The following AIM2 variants were observed in gnomAD, a reference collection of about 807,000 sequenced individuals.
AIM2 encodes the protein absent in melanoma 2.
AIM2 carries 30 observed loss-of-function variants against 27.7 expected under a neutral mutation model. The observed-to-expected ratio is 1.08, with a 90% CI of 0.81 to 1.47. AIM2 has a LOEUF of 1.47. Ranked by LOEUF, AIM2 falls within the 40% of genes most tolerant of loss-of-function variation. The probability of loss-of-function intolerance (pLI) is 0.00; values close to 1 mark genes in which losing one functional copy is unlikely to be tolerated. For synonymous variants in AIM2, 141 were observed against 145.3 expected (o/e 0.97, Z 0.21); for missense variants, 358 against 411.3 (o/e 0.87, Z 1.12).
At chr1:159,083,717 A>G (rs891360262) in intron 1 of AIM2, among the ~76,000 whole-genome samples, 4 of 152,198 alleles carry the variant, frequency 2.6e-5, no homozygotes, top group African/African-American at 9.6e-5. Context: ...TCCAAATATG[A>G]CCTATGATAA....
intron 1 of AIM2, among the ~76,000 whole-genome samples, chr1:159,075,593 C>T (rs1656570782): frequency 7.0e-6 from 1 of 143,120 alleles, no homozygotes; most frequent in African/African-American, 2.6e-5. Flanking sequence ...ATGGCTATAC[C>T]TGCTATATAT....
chr1:159,111,398 T>A (rs931891696), intron 1 of AIM2, among the ~76,000 whole-genome samples: 2 of 152,328 alleles, frequency 1.3e-5, no homozygotes, highest in South Asian at 4.1e-4. Context: ...CACAACATTG[T>A]GAATGTACCA....
At chr1:159,082,802 C>G (rs1279672436) in intron 1 of AIM2, among the ~76,000 whole-genome samples, 1 of 152,088 alleles carries the variant, frequency 6.6e-6, no homozygotes, top group East Asian at 1.9e-4. Context: ...ACATTCAGTC[C>G]ACAAGGATGA....
intron 1 of AIM2, among the ~76,000 whole-genome samples, chr1:159,104,301 C>T (rs1306348430): frequency 6.6e-6 from 1 of 152,162 alleles, no homozygotes; most frequent in Non-Finnish European, 1.5e-5. Context: ...TCCAAACCCA[C>T]ACTGCCCACA....
In AIM2 at chr1:159,065,921, C is replaced by A; in HGVS notation, c.805G>T (p.Val269Leu). 1 of 1,606,138 alleles carries A rather than the reference C, an allele frequency of 6.2e-7. No individual in the cohort carries two copies. Among genetic ancestry groups the A allele is most frequent in the Non-Finnish European group, 8.5e-7 (1 of 1,175,882 alleles). Residue 269 changes from valine to leucine, a missense_variant, in exon 4 of 6, where the codon GTA (valine) becomes TTA (leucine). By Grantham distance (32) the Val-to-Leu change is conservative (BLOSUM62 1). Transcript: ENST00000368130. ...PLGTIVNGLF[V>L]VQKVTEKKKN... The stretch of plus-strand genomic sequence containing the variant: ...ATATGAAAACTTACCTTCTGGACTA[C>A]AAACAAACCATTCACAATTGTTCCA...
intron 1 of AIM2, among the ~76,000 whole-genome samples, chr1:159,115,995 AAAC>A (rs542326698): frequency 0.058 from 8,857 of 152,178 alleles, 814 homozygotes; most frequent in African/African-American, 0.2. Flanking sequence ...AGAAAAAAAC[AAAC>A]AACCCCATCA....
rs146505947 is a variant in AIM2 at position 159,098,758 on chromosome 1, G to T, written c.-15-32429C>A. Among the ~76,000 whole-genome samples the T allele has an allele frequency of 1.7e-3, 254 of 152,288 alleles. 4 individuals carry two copies. The highest frequency in any genetic ancestry group is 0.016 in the Admixed American group (239 of 15,298). On this transcript the variant is annotated intron_variant, in intron 1 of 2. Coordinates refer to the AIM2 transcript ENST00000368129. ...TGTTTAACAAACATCTTCTGAGCAT[G>T]TGCCATACTCCATATGTACCATGTG... is the stretch of plus-strand genomic sequence containing the variant.
At chr1:159,118,700 A>G (rs1647449806) in intron 1 of AIM2, among the ~76,000 whole-genome samples, 1 of 152,254 alleles carries the variant, frequency 6.6e-6, no homozygotes, top group Admixed American at 6.5e-5. Flanking sequence ...TCCTGAACCA[A>G]TTATTTCAGG....
intron 1 of AIM2, among the ~76,000 whole-genome samples, chr1:159,075,621 G>T (rs577746975): frequency 1.2e-4 from 18 of 151,488 alleles, no homozygotes; most frequent in Admixed American, 9.9e-4. Context: ...TAGAGAGAGA[G>T]AGAGAGAGAG....
chr1:159,060,788 T>C (rs1285670890), downstream of AIM2, among the ~76,000 whole-genome samples: 2 of 152,238 alleles, frequency 1.3e-5, no homozygotes, highest in Admixed American at 6.5e-5. Flanking sequence ...TTATTCATTT[T>C]TCAGGTGAGG....
In AIM2 at chr1:159,062,718, C is replaced by T. The variant is rs1464104598; in HGVS notation, c.1006G>A (p.Val336Ile). The change falls in exon 6 of 6, where the codon GTT (valine) becomes ATT (isoleucine). Residue 336 changes from valine (V) to isoleucine (I), a missense_variant and splice_region_variant. By Grantham distance (29) the Val-to-Ile change is conservative (BLOSUM62 3). Coordinates refer to ENST00000368130, the MANE Select transcript of AIM2 (RefSeq NM_004833.3). ...TATGTTTTTTTTTTGGCCTTAATAACCTGGATGGAGAAAAAAAACATGCAG... is the reference window on the plus strand; with the variant it reads ...TATGTTTTTTTTTTGGCCTTAATAATCTGGATGGAGAAAAAAAACATGCAG... ...LTSGVHSTIK[V>I]IKAKKKT 6.2e-7 allele frequency: 1 copy of T among 1,612,472 alleles called. No homozygotes were observed. The highest frequency in any genetic ancestry group is 2.2e-5 in the East Asian group (1 of 44,864).
chr1:159,063,024 G>A lies in AIM2; in HGVS notation c.1006-306C>T, dbSNP rs370320897. 3.9e-5 allele frequency among the ~76,000 whole-genome samples: 6 copies of A among 152,162 alleles called. No homozygotes were observed. In the South Asian group the frequency reaches 1.0e-3, roughly 26 times the overall value. ...TGGGGAAGAGCACCAAGTAGTGGCA[G>A]GACACGGGTAGGAGGGTGTGGTGGA... On this transcript the variant is annotated intron_variant, in intron 5 of 5. Transcript: ENST00000368130.
intron 1 of AIM2, among the ~76,000 whole-genome samples, chr1:159,131,369 ATG>A (rs568893820): frequency 2.2e-4 from 34 of 152,310 alleles, no homozygotes; most frequent in African/African-American, 7.9e-4. Flanking sequence ...ATGTATACAT[ATG>A]TGTGTGTATA....
intron 5 of AIM2, 40 bp downstream of exon 5, chr1:159,063,446 A>T (rs1034321347): frequency 6.4e-7 from 1 of 1,555,358 alleles, no homozygotes; most frequent in Non-Finnish European, 8.7e-7. Flanking sequence ...AAAAAATATC[A>T]CCCCCTTGGA....
At chr1:159,078,663 C>T (rs754466444), upstream of AIM2, among the ~76,000 whole-genome samples, 8 of 152,108 alleles carry the variant, frequency 5.3e-5, no homozygotes, top group South Asian at 2.1e-4. Flanking sequence ...CTTTGTTTTA[C>T]CAAGAAATTT....
chr1:159,098,349 G>A (rs568484395), intron 1 of AIM2, among the ~76,000 whole-genome samples: 44 of 152,226 alleles, frequency 2.9e-4, no homozygotes, highest in African/African-American at 8.7e-4. Context: ...ATTGAGAGTC[G>A]TGTGTGCTCT....
At chr1:159,131,044 G>T (rs1647860644) in intron 1 of AIM2, among the ~76,000 whole-genome samples, 1 of 152,058 alleles carries the variant, frequency 6.6e-6, no homozygotes, top group African/African-American at 2.4e-5. Flanking sequence ...TGATCCTCCA[G>T]CTTCCAGATG....
chr1:159,078,918 T>C (rs1438853275), upstream of AIM2, among the ~76,000 whole-genome samples: 1 of 152,168 alleles, frequency 6.6e-6, no homozygotes, highest in East Asian at 1.9e-4. Context: ...AGTTTTCCAA[T>C]ACAAAGACTC....
chr1:159,069,545 TC>T (rs1300231795), intron 2 of AIM2, among the ~76,000 whole-genome samples: 3 of 151,318 alleles, frequency 2.0e-5, no homozygotes, highest in Non-Finnish European at 4.4e-5. Flanking sequence ...CTGATTTCTT[TC>T]TTTTTTTTTT....
Sources: gnomAD v4.1 joint callset for allele counts (sites outside exome capture counted in the v4.1 genomes callset) on GRCh38, gnomAD v4.1.1 for gene constraint, MANE v1.5 for transcripts, NCBI Gene and HGNC (gene_info 2026-07-23, HGNC 2026-07-21) for gene names.